PRKCD: variants seen among roughly 807,000 people sequenced by gnomAD.
PRKCD encodes the protein protein kinase C delta type.
A neutral mutation model predicts 82.2 loss-of-function variants in PRKCD; 20 were observed. The observed-to-expected ratio is 0.24, with a 90% confidence interval of 0.17 to 0.35. PRKCD has a LOEUF of 0.35. Among genes scored for constraint, PRKCD ranks in the 10% least tolerant of loss-of-function variants. The probability of loss-of-function intolerance (pLI) is 1.00; values close to 1 mark genes in which losing one functional copy is unlikely to be tolerated. For synonymous variants in PRKCD, 317 were observed against 337.0 expected (o/e 0.94, Z 0.65); for missense variants, 607 against 899.0 (o/e 0.68, Z 4.15).
intron 18 of PRKCD, among the ~76,000 whole-genome samples, chr3:53,191,293 A>G (rs1246330726): frequency 1.3e-5 from 2 of 152,202 alleles, no homozygotes; most frequent in African/African-American, 4.8e-5. Flanking sequence ...CTGTAATCCC[A>G]GCTACTCAGG....
intron 18 of PRKCD, among the ~76,000 whole-genome samples, chr3:53,191,177 A>G (rs7634447): frequency 1.3e-5 from 2 of 152,148 alleles, no homozygotes; most frequent in Non-Finnish European, 2.9e-5. Flanking sequence ...TGAGGCAGGC[A>G]GATCACCTGA....
chr3:53,164,005 C>G (rs1702755052), intron 1 of PRKCD, among the ~76,000 whole-genome samples: 1 of 152,158 alleles, frequency 6.6e-6, no homozygotes, highest in Non-Finnish European at 1.5e-5. Flanking sequence ...ATTTAAAGTA[C>G]AGACAAAAAG....
intron 15 of PRKCD, 53 bp downstream of exon 15, chr3:53,187,455 C>T: frequency 6.3e-7 from 1 of 1,583,092 alleles, no homozygotes; most frequent in South Asian, 1.1e-5. Flanking sequence ...CCAGCCCCAT[C>T]ATATCTTCTG....
intron 1 of PRKCD, among the ~76,000 whole-genome samples, chr3:53,163,698 C>T (rs191313065): frequency 1.3e-5 from 2 of 152,128 alleles, no homozygotes. Flanking sequence ...CCCAGCTATA[C>T]GGTTCCCATT....
At position 53,192,283 on chromosome 3, in the gene PRKCD, A is replaced by G; in HGVS notation, c.*17A>G. ...GAAGATTGAGGTTCCTGGACAGATCAGGCTAGCCCTGCCCTCCACCCACAC... is the reference window on the plus strand; with the variant it reads ...GAAGATTGAGGTTCCTGGACAGATCGGGCTAGCCCTGCCCTCCACCCACAC... On this transcript the variant is annotated 3_prime_UTR_variant, in exon 19 of 19. Transcript: ENST00000330452. 6.2e-7 allele frequency: 1 copy of G among 1,612,986 alleles called. No individual in the cohort carries two copies. The highest frequency in any genetic ancestry group is 1.1e-5 in the South Asian group (1 of 91,068).
At chr3:53,179,820 C>CTGTG in intron 4 of PRKCD, 44 bp downstream of exon 4, 1 of 439,250 alleles carries the variant, frequency 2.3e-6, no homozygotes, top group Non-Finnish European at 3.5e-6. Flanking sequence ...GTGTGTGTGT[C>CTGTG]TGTGTGTGTG....
At chr3:53,170,429 C>CT (rs1336472205) in intron 2 of PRKCD, among the ~76,000 whole-genome samples, 1 of 152,228 alleles carries the variant, frequency 6.6e-6, no homozygotes, top group Non-Finnish European at 1.5e-5. Flanking sequence ...AACATAGGTT[C>CT]AAGCCCTCCC....
At chr3:53,168,684 T>G (rs1702912913) in intron 2 of PRKCD, among the ~76,000 whole-genome samples, 1 of 149,820 alleles carries the variant, frequency 6.7e-6, no homozygotes, top group Non-Finnish European at 1.5e-5. Flanking sequence ...TGGGGTGGGG[T>G]GGAGCAGGAA....
In PRKCD at chr3:53,187,333, T is replaced by C; in HGVS notation, c.1353-7T>C. ...CCCGGAACACTTTATCCCTCTCTCT[T>C]GCCCAGGTTTTATGCCGCTGAGATA... On this transcript the variant is annotated splice_polypyrimidine_tract_variant and splice_region_variant and intron_variant, in intron 14 of 18. Transcript: ENST00000330452. 1.2e-6 allele frequency: 2 copies of C among 1,614,152 alleles called. No homozygotes were observed. The highest frequency in any genetic ancestry group is 1.7e-6 in the Non-Finnish European group (2 of 1,180,016).
At chr3:53,162,001 T>C (rs915026686) in intron 1 of PRKCD, among the ~76,000 whole-genome samples, 11 of 151,154 alleles carry the variant, frequency 7.3e-5, no homozygotes, top group Admixed American at 5.3e-4. Context: ...CCGCCGGGCC[T>C]CGCCTCCCGC....
intron 18 of PRKCD, 146 bp from the exon 19 acceptor site, chr3:53,191,962 C>T (rs938827478): frequency 2.6e-6 from 2 of 755,122 alleles, no homozygotes; most frequent in Non-Finnish European, 2.1e-6. Flanking sequence ...CCATGGGGCT[C>T]CTTTCAGGCT....
chr3:53,173,806 T>C (rs1043306344), intron 2 of PRKCD, among the ~76,000 whole-genome samples: 10 of 152,164 alleles, frequency 6.6e-5, no homozygotes, highest in African/African-American at 2.2e-4. Context: ...AAATGGAGGC[T>C]GGTCCAAGTG....
In PRKCD at chr3:53,163,070, T is replaced by C. The variant is rs1273962393; in HGVS notation, c.-132+1642T>C. ...GAGGCTGTATGGTGCATGTGTGATA[T>C]GTGTGGTTGTGTGTGTGCGTGTGTG... On this transcript the variant is annotated intron_variant, in intron 1 of 18. Coordinates refer to ENST00000330452, the MANE Select transcript of PRKCD (RefSeq NM_006254.4). Among the ~76,000 whole-genome samples the C allele has an allele frequency of 2.0e-5, 3 of 151,082 alleles. 1 individual carries two copies. Among genetic ancestry groups the C allele is most frequent in the Middle Eastern group, 6.4e-3 (2 of 314 alleles).
At chr3:53,190,283 A>G (rs1334065009) in intron 18 of PRKCD, among the ~76,000 whole-genome samples, 1 of 152,228 alleles carries the variant, frequency 6.6e-6, no homozygotes, top group Non-Finnish European at 1.5e-5. Flanking sequence ...TTTCCAATAC[A>G]TATGGGGAAT....
At chr3:53,185,185 G>A (rs1703626990) in intron 10 of PRKCD, among the ~76,000 whole-genome samples, 1 of 152,198 alleles carries the variant, frequency 6.6e-6, no homozygotes, top group Non-Finnish European at 1.5e-5. Flanking sequence ...TTTACTTGAG[G>A]GTGAACCTGG....
At chr3:53,167,376 G>A (rs568761438) in intron 2 of PRKCD, among the ~76,000 whole-genome samples, 29 of 152,284 alleles carry the variant, frequency 1.9e-4, no homozygotes, top group South Asian at 4.1e-4. Flanking sequence ...CCCCACAACC[G>A]TGGCTCCTTT....
intron 14 of PRKCD, 109 bp downstream of exon 14, chr3:53,186,804 CA>C: frequency 8.6e-7 from 1 of 1,169,048 alleles, no homozygotes; most frequent in Non-Finnish European, 1.2e-6. Context: ...CTAGAAAAGC[CA>C]GCCTGGGCTA....
rs951084156 is a variant in PRKCD, at chr3:53,183,684, G to A, written c.787+103G>A. On this transcript the variant is annotated intron_variant, in intron 9 of 18. Coordinates refer to ENST00000330452, the MANE Select transcript of PRKCD (RefSeq NM_006254.4). ...CACCCTCGCCTCCTCACCTGGAGAC[G>A]GGCACCTCATTCAGGGACCTGATGA... is the stretch of plus-strand genomic sequence containing the variant. The A allele has an allele frequency of 8.1e-5, 120 of 1,484,050 alleles. 1 individual carries two copies. The highest frequency in any genetic ancestry group is 1.6e-4 in the Admixed American group (8 of 50,202). 91.9% of individuals were successfully genotyped at this position (1,484,050 alleles called of 1,614,324 possible).
chr3:53,178,453 T>A lies in PRKCD; in HGVS notation c.31T>A (p.Ser11Thr). Residue 11 changes from serine (S) to threonine (T), a missense_variant, in exon 3 of 19, where the codon TCC (serine) becomes ACC (threonine). By Grantham distance (58) the Ser-to-Thr change is moderately conservative. Transcript: ENST00000330452. Reference sequence around the variant, plus strand: ...GCCGTTCCTGCGCATCGCCTTCAACTCCTATGAGCTGGGCTCCCTGCAGGC... The same window carrying A: ...GCCGTTCCTGCGCATCGCCTTCAACACCTATGAGCTGGGCTCCCTGCAGGC... MAPFLRIAFN[S>T]YELGSLQAED... 1 of 1,612,746 alleles carries A rather than the reference T, an allele frequency of 6.2e-7. No homozygotes were observed. Among genetic ancestry groups the A allele is most frequent in the Non-Finnish European group, 8.5e-7 (1 of 1,179,808 alleles).
Sources: gnomAD v4.1 joint callset for allele counts (sites outside exome capture counted in the v4.1 genomes callset) on GRCh38, gnomAD v4.1.1 for gene constraint, MANE v1.5 for transcripts, NCBI Gene and HGNC (gene_info 2026-07-23, HGNC 2026-07-21) for gene names.